The following P4HA1 variants were observed in gnomAD, a reference collection of about 807,000 sequenced individuals.
P4HA1 encodes the protein prolyl 4-hydroxylase subunit alpha 1.
A neutral mutation model predicts 72.8 loss-of-function variants in P4HA1; 24 were observed. The observed-to-expected ratio is 0.33, with a 90% CI of 0.24 to 0.46. The LOEUF (loss-of-function observed/expected upper bound fraction) is 0.46. Ranked by LOEUF, P4HA1 falls within the 20% of genes least tolerant of loss-of-function variation. The probability of loss-of-function intolerance (pLI) is 1.00; values close to 1 mark genes in which losing one functional copy is unlikely to be tolerated. For synonymous variants in P4HA1, 201 were observed against 218.8 expected, an observed-to-expected ratio of 0.92 and a Z score of 0.72; for missense variants, 446 against 640.6, an observed-to-expected ratio of 0.70 and a Z score of 3.28.
At chr10:73,008,428 T>TAA (rs1839839536) in intron 14 of P4HA1, 136 bp from the exon 15 acceptor site, 19 of 605,446 alleles carry the variant, frequency 3.1e-5, no homozygotes, top group Non-Finnish European at 5.0e-5. Context: ...AGGCAGATGC[T>TAA]ACTTAAAAAC....
intron 1 of P4HA1, among the ~76,000 whole-genome samples, chr10:73,078,388 A>G (rs1841748714): frequency 6.6e-6 from 1 of 152,136 alleles, no homozygotes; most frequent in South Asian, 2.1e-4. Flanking sequence ...AGTTAAATGA[A>G]AAAACAAGAT....
intron 1 of P4HA1, among the ~76,000 whole-genome samples, chr10:73,083,442 A>G (rs768755295): frequency 1.6e-4 from 25 of 152,206 alleles, no homozygotes; most frequent in Non-Finnish European, 3.4e-4. Flanking sequence ...TTCAAGATTC[A>G]TATTAGAAGT....
At chr10:73,075,744 T>TATA (rs1841683471) in intron 1 of P4HA1, among the ~76,000 whole-genome samples, 4 of 147,098 alleles carry the variant, frequency 2.7e-5, no homozygotes, top group Non-Finnish European at 6.0e-5. Flanking sequence ...ATATATATAG[T>TATA]GTGTGTGTGT....
At chr10:73,037,548 TA>T (rs1840612140) in intron 9 of P4HA1, among the ~76,000 whole-genome samples, 4 of 28,834 alleles carry the variant, frequency 1.4e-4, no homozygotes, top group African/African-American at 5.6e-4. Flanking sequence ...TATATATATA[TA>T]TATATATATA....
At chr10:73,086,832 G>T (rs187683283) in intron 1 of P4HA1, among the ~76,000 whole-genome samples, 1 of 151,384 alleles carries the variant, frequency 6.6e-6, no homozygotes, top group African/African-American at 2.4e-5. Flanking sequence ...TACTTGGGAG[G>T]CTGAGGCAGG....
At chr10:73,052,202 A>C (rs1841037665) in intron 6 of P4HA1, among the ~76,000 whole-genome samples, 1 of 152,054 alleles carries the variant, frequency 6.6e-6, no homozygotes, top group African/African-American at 2.4e-5. Flanking sequence ...AAAAAAAAAA[A>C]AACTAAAGAA....
At chr10:73,044,717 T>C (rs180709034) in intron 9 of P4HA1, among the ~76,000 whole-genome samples, 1 of 152,172 alleles carries the variant, frequency 6.6e-6, no homozygotes, top group African/African-American at 2.4e-5. Flanking sequence ...TCCTGGATAT[T>C]TGACACCTGA....
At chr10:73,093,905 T>TATAC (rs199770932) in intron 1 of P4HA1, among the ~76,000 whole-genome samples, 3 of 75,662 alleles carry the variant, frequency 4.0e-5, no homozygotes, top group Non-Finnish European at 6.8e-5. Context: ...TATATATATA[T>TATAC]ATACACACAC....
At chr10:73,082,850 T>TC (rs112803980) in intron 1 of P4HA1, among the ~76,000 whole-genome samples, 1 of 128,806 alleles carries the variant, frequency 7.8e-6, no homozygotes, top group African/African-American at 3.7e-5. Flanking sequence ...TATAATGTGC[T>TC]TATGGTGTCT....
chr10:73,047,981 G>A lies in P4HA1; in HGVS notation c.901-880C>T, dbSNP rs183719633. 2.1e-3 allele frequency among the ~76,000 whole-genome samples: 324 copies of A among 152,244 alleles called. 1 individual carries two copies. The highest frequency in any genetic ancestry group is 3.3e-3 in the Non-Finnish European group (224 of 68,014). On this transcript the variant is annotated intron_variant, in intron 7 of 14. Transcript: ENST00000394890. ...ATGGGAGGACTGCTTAAGCCCAGGA[G>A]GTAGAGGTTGCAGTGAGCCATGATC...
At chr10:73,088,188 C>T (rs929542807) in intron 1 of P4HA1, among the ~76,000 whole-genome samples, 11 of 152,136 alleles carry the variant, frequency 7.2e-5, no homozygotes, top group African/African-American at 2.7e-4. Context: ...CGACCAGACC[C>T]GGCCTACGAA....
At chr10:73,025,234 C>T (rs189520560) in intron 10 of P4HA1, among the ~76,000 whole-genome samples, 379 of 150,366 alleles carry the variant, frequency 2.5e-3, no homozygotes, top group African/African-American at 8.7e-3. Flanking sequence ...AAAATCCAAC[C>T]GAATCCAGCA....
rs181560930 is a variant in P4HA1, at chr10:73,008,942, C to A, written c.1535-650G>T. ...GTATCTACACTTTATTCATCAAACC[C>A]TGACAATTTTCCTTACATCTCTCTC... On this transcript the variant is annotated intron_variant, in intron 14 of 14. Coordinates refer to ENST00000394890, the MANE Select transcript of P4HA1 (RefSeq NM_001017962.3). Among the ~76,000 whole-genome samples the A allele has an allele frequency of 7.2e-4, 109 of 152,172 alleles. No homozygotes were observed. The Middle Eastern group carries it at 0.014, about 19-fold the overall frequency.
At chr10:73,051,341 T>C in intron 6 of P4HA1, 92 bp from the exon 7 acceptor site, 1 of 693,872 alleles carries the variant, frequency 1.4e-6, no homozygotes, top group African/African-American at 1.8e-5. Flanking sequence ...GACATTATAA[T>C]TTATCTTCCA....
rs1840165885 is a variant in P4HA1, at chr10:73,022,743, T to C, written c.1249-5844A>G. On this transcript the variant is annotated intron_variant, in intron 10 of 14. Coordinates refer to ENST00000394890, the MANE Select transcript of P4HA1 (RefSeq NM_001017962.3). ...AGCCATCGCAAGGAAGCTAAAACCC[T>C]TGAAAAAAGGTTAGACGAATGGCTA... 2.6e-5 allele frequency among the ~76,000 whole-genome samples: 4 copies of C among 152,046 alleles called. No individual in the cohort carries two copies. The South Asian group carries it at 8.3e-4, about 32-fold the overall frequency.
intron 4 of P4HA1, among the ~76,000 whole-genome samples, chr10:73,069,852 T>C (rs1361855430): frequency 6.7e-6 from 1 of 149,740 alleles, no homozygotes; most frequent in African/African-American, 2.5e-5. Context: ...TCATCCAGGC[T>C]GGAGAGCAGT....
In P4HA1 at chr10:73,009,899, G is replaced by C. The variant is rs182054109; in HGVS notation, c.1442C>G (p.Thr481Ser). The C allele has an allele frequency of 6.4e-7, 1 of 1,567,282 alleles. No individual in the cohort carries two copies. The highest frequency in any genetic ancestry group is 8.8e-7 in the Non-Finnish European group (1 of 1,137,686). Residue 481 changes from threonine (T) to serine (S), a missense_variant, in exon 14 of 15, where the codon ACT becomes AGT. Transcript: ENST00000394890. ...AAACAGATTATACCAGAAAACAGCA[G>C]TTCCCTATGGAGAACAATTCACAAT... Reference protein sequence around the residue: ...VGASVWPKKGTAVFWYNLFAS... With the variant: ...VGASVWPKKGSAVFWYNLFAS...
chr10:73,009,558 T>C, intron 14 of P4HA1: 4 of 403,702 alleles, frequency 9.9e-6, no homozygotes. Context: ...GAGGGGAAGA[T>C]ATTGTCTTAT....
chr10:73,019,060 G>A (rs1840074374), intron 10 of P4HA1, among the ~76,000 whole-genome samples: 1 of 151,948 alleles, frequency 6.6e-6, no homozygotes, highest in Non-Finnish European at 1.5e-5. Context: ...ACTCCCACTG[G>A]CTAAAACTCC....
Sources: gnomAD v4.1 joint callset for allele counts (sites outside exome capture counted in the v4.1 genomes callset) on GRCh38, gnomAD v4.1.1 for gene constraint, MANE v1.5 for transcripts, NCBI Gene and HGNC (gene_info 2026-07-23, HGNC 2026-07-21) for gene names.